The following STAB2 variants were observed in gnomAD, a reference collection of about 807,000 sequenced individuals.
The protein encoded by STAB2 is stabilin 2.
A neutral mutation model predicts 338.1 loss-of-function variants in STAB2; 288 were observed. The ratio of observed to expected loss-of-function variants is 0.85; its 90% confidence interval spans 0.77 to 0.94. STAB2 has a LOEUF of 0.94. STAB2 is among the 40% of genes least tolerant of loss of function. The probability of loss-of-function intolerance (pLI) is 0.00; values close to 1 mark genes in which losing one functional copy is unlikely to be tolerated. For synonymous variants in STAB2, 1,202 were observed against 1,193.3 expected (o/e 1.01, Z -0.15); for missense variants, 3,141 against 3,210.1 (o/e 0.98, Z 0.52).
chr12:103,650,631 A>G, intron 11 of STAB2, 53 bp downstream of exon 11: 1 of 1,415,754 alleles, frequency 7.1e-7, no homozygotes, highest in Non-Finnish European at 9.9e-7. Flanking sequence ...AAGCCTTAGT[A>G]GGGAGTACCT....
At chr12:103,620,700 T>A in intron 4 of STAB2, 147 bp downstream of exon 4, 1 of 766,514 alleles carries the variant, frequency 1.3e-6, no homozygotes, top group Non-Finnish European at 2.1e-6. Context: ...GTGAAGGTAT[T>A]AATTTTTTAA....
At chr12:103,732,267 C>T (rs1341295762) in intron 50 of STAB2, among the ~76,000 whole-genome samples, 1 of 152,142 alleles carries the variant, frequency 6.6e-6, no homozygotes, top group African/African-American at 2.4e-5. Flanking sequence ...TGAGATCGCA[C>T]CACTGCACTC....
In STAB2 at chr12:103,735,473, G is replaced by T. The variant is rs1406085976; in HGVS notation, c.5461-18G>T. The T allele has an allele frequency of 6.3e-7, 1 of 1,574,804 alleles. No homozygotes were observed. The highest frequency in any genetic ancestry group is 8.6e-7 in the Non-Finnish European group (1 of 1,160,538). On this transcript the variant is annotated intron_variant, in intron 51 of 68. Coordinates refer to ENST00000388887, the MANE Select transcript of STAB2 (RefSeq NM_017564.10). ...GGCCCAAATTTGGGGCAGTCACGTG[G>T]TGCCATCACTCCTACAGGTTTTAGC...
At chr12:103,610,702 A>ATCTT (rs1394650673) in intron 3 of STAB2, among the ~76,000 whole-genome samples, 2 of 151,906 alleles carry the variant, frequency 1.3e-5, no homozygotes, top group Non-Finnish European at 2.9e-5. Context: ...TTCTGCTCTG[A>ATCTT]TCTTAGTTAT....
intron 56 of STAB2, among the ~76,000 whole-genome samples, chr12:103,743,606 C>T (rs1283812089): frequency 6.6e-6 from 1 of 152,184 alleles, no homozygotes; most frequent in African/African-American, 2.4e-5. Flanking sequence ...CTCCATGACT[C>T]CACTGGCCAG....
Position 103,668,707 on chromosome 12 carries a change from G to T in STAB2, c.2150G>T (p.Arg717Leu). The change falls in exon 20 of 69, where the codon CGG becomes CTG. Residue 717 changes from arginine (R) to leucine (L), a missense_variant. By Grantham distance (102) the Arg-to-Leu change is moderately radical (BLOSUM62 -2). Coordinates refer to ENST00000388887, the MANE Select transcript of STAB2 (RefSeq NM_017564.10). ...GGGAGCCTGAAGAGCGGCTGTGCCC[G>T]GTACTGCAATGCCACTGTGAAGGTG... ...RFGSLKSGCA[R>L]YCNATVKIPK... 6.5e-7 allele frequency: 1 copy of T among 1,548,786 alleles called. No individual in the cohort carries two copies. Among genetic ancestry groups the T allele is most frequent in the Non-Finnish European group, 8.7e-7 (1 of 1,145,334 alleles).
At chr12:103,674,391 C>A (rs1386401577) in intron 23 of STAB2, among the ~76,000 whole-genome samples, 1 of 152,156 alleles carries the variant, frequency 6.6e-6, no homozygotes, top group African/African-American at 2.4e-5. Context: ...CCAAGCAGGG[C>A]AGTTGTGGAG....
chr12:103,762,501 C>T (rs1884612441), intron 67 of STAB2, 99 bp downstream of exon 67: 2 of 1,573,496 alleles, frequency 1.3e-6, no homozygotes, highest in Non-Finnish European at 1.7e-6. Context: ...AGAGTCCTCA[C>T]CCAGAAGCAG....
intron 46 of STAB2, among the ~76,000 whole-genome samples, chr12:103,726,712 TCATA>T (rs1447155688): frequency 1.3e-5 from 2 of 152,068 alleles, no homozygotes; most frequent in Non-Finnish European, 2.9e-5. Context: ...TTTCTGCACA[TCATA>T]CATCTGAATG....
intron 61 of STAB2, 100 bp from the exon 62 acceptor site, chr12:103,755,202 T>C (rs139927155): frequency 1.7e-5 from 26 of 1,506,768 alleles, no homozygotes; most frequent in African/African-American, 2.7e-5. Context: ...AGTGAGACTT[T>C]ATGGGTTTTA....
intron 49 of STAB2, 136 bp from the exon 50 acceptor site, chr12:103,731,440 T>C (rs970074462): frequency 5.2e-6 from 4 of 771,376 alleles, no homozygotes; most frequent in Non-Finnish European, 8.1e-6. Flanking sequence ...AGAAGAGAGT[T>C]GGAGCAGGTG....
At chr12:103,765,201 T>C (rs1884849230) in intron 68 of STAB2, among the ~76,000 whole-genome samples, 1 of 150,784 alleles carries the variant, frequency 6.6e-6, no homozygotes, top group African/African-American at 2.4e-5. Flanking sequence ...AACAAATGCA[T>C]ACATCCTCTC....
At chr12:103,612,414 T>G (rs1957139476) in intron 3 of STAB2, among the ~76,000 whole-genome samples, 1 of 152,234 alleles carries the variant, frequency 6.6e-6, no homozygotes, top group Admixed American at 6.5e-5. Context: ...AAACTTCTCT[T>G]CTCACTTCAT....
intron 63 of STAB2, among the ~76,000 whole-genome samples, chr12:103,756,061 ATC>A (rs1436128709): frequency 6.6e-6 from 1 of 152,172 alleles, no homozygotes; most frequent in African/African-American, 2.4e-5. Context: ...TGGTATTATC[ATC>A]TCTGTTTGTA....
At chr12:103,710,824 A>G (rs1879787505) in intron 39 of STAB2, among the ~76,000 whole-genome samples, 2 of 152,194 alleles carry the variant, frequency 1.3e-5, no homozygotes, top group South Asian at 4.1e-4. Flanking sequence ...AGCTCTTAAC[A>G]TGAGCATCCT....
rs1435527469 is a variant in STAB2 at position 103,712,308 on chromosome 12, TC to T, written c.4335-58del. ...ACTGAGGGTGAAGGGCATTTGTGAG[TC>T]ATGTGGTGGGAGGTGGAGTATTTTT... is the stretch of plus-strand genomic sequence containing the variant. On this transcript the variant is annotated intron_variant, in intron 40 of 68. Coordinates refer to ENST00000388887, the MANE Select transcript of STAB2 (RefSeq NM_017564.10). The T allele has an allele frequency of 1.2e-5, 16 of 1,301,160 alleles. 1 individual carries two copies. The African/African-American group carries it at 2.3e-4, about 19-fold the overall frequency. 80.6% of individuals were successfully genotyped at this position (1,301,160 alleles called of 1,614,324 possible).
At chr12:103,677,994 G>C (rs1378390079) in intron 25 of STAB2, among the ~76,000 whole-genome samples, 2 of 152,124 alleles carry the variant, frequency 1.3e-5, no homozygotes, top group Non-Finnish European at 2.9e-5. Context: ...GAAGGCTACT[G>C]CTTAAAAATT....
intron 68 of STAB2, among the ~76,000 whole-genome samples, chr12:103,764,746 G>A (rs531515472): frequency 1.3e-5 from 2 of 152,218 alleles, no homozygotes; most frequent in African/African-American, 4.8e-5. Flanking sequence ...AAAATAACCA[G>A]ATTGCAAATC....
chr12:103,727,539 G>T (rs1418083102), intron 47 of STAB2, among the ~76,000 whole-genome samples, 189 bp downstream of exon 47: 1 of 152,214 alleles, frequency 6.6e-6, no homozygotes, highest in African/African-American at 2.4e-5. Context: ...AGGTGGATTT[G>T]GGGTAACCAC....
Sources: gnomAD v4.1 joint callset for allele counts (sites outside exome capture counted in the v4.1 genomes callset) on GRCh38, gnomAD v4.1.1 for gene constraint, MANE v1.5 for transcripts, NCBI Gene and HGNC (gene_info 2026-07-23, HGNC 2026-07-21) for gene names.